The following PLEKHA6 variants were observed in gnomAD, a reference collection of about 807,000 sequenced individuals.
PLEKHA6 encodes pleckstrin homology domain-containing family A member 6.
PLEKHA6 carries 60 observed loss-of-function variants against 116.7 expected under a neutral mutation model. The observed-to-expected ratio is 0.51, with a 90% CI of 0.42 to 0.64. The LOEUF is 0.64. Among genes scored for constraint, PLEKHA6 ranks in the 30% least tolerant of loss-of-function variants. PLEKHA6 has a pLI of 0.00. For synonymous variants in PLEKHA6, 489 were observed against 556.1 expected (o/e 0.88, Z 1.70); for missense variants, 1,338 against 1,422.7 (o/e 0.94, Z 0.96).
chr1:204,358,092 C>A (rs1430249672), intron 1 of PLEKHA6, among the ~76,000 whole-genome samples: 1 of 152,196 alleles, frequency 6.6e-6, no homozygotes, highest in African/African-American at 2.4e-5. Context: ...TTGTCTGCAG[C>A]CTGTGTGCAG....
chr1:204,313,242 C>T (rs977943836), intron 1 of PLEKHA6, among the ~76,000 whole-genome samples: 4 of 152,110 alleles, frequency 2.6e-5, no homozygotes, highest in Admixed American at 2.6e-4. Context: ...CAAAGCTCAG[C>T]TCCAAATCCC....
chr1:204,252,919 G>T (rs1389039045), intron 9 of PLEKHA6, among the ~76,000 whole-genome samples: 1 of 152,222 alleles, frequency 6.6e-6, no homozygotes, highest in Admixed American at 6.5e-5. Context: ...CAGATCCAGA[G>T]CAGTAGAGGA....
chr1:204,225,638 A>G (rs1407810965), intron 21 of PLEKHA6, among the ~76,000 whole-genome samples: 1 of 152,190 alleles, frequency 6.6e-6, no homozygotes, highest in Non-Finnish European at 1.5e-5. Context: ...ATTCATAAAC[A>G]CCACCTCCAC....
At chr1:204,327,498 GGC>G (rs2103253748) in intron 1 of PLEKHA6, among the ~76,000 whole-genome samples, 1 of 152,362 alleles carries the variant, frequency 6.6e-6, no homozygotes, top group African/African-American at 2.4e-5. Flanking sequence ...TGCAGTCTCT[GGC>G]CCGCTGAGGC....
intron 6 of PLEKHA6, among the ~76,000 whole-genome samples, chr1:204,264,625 A>G (rs1156433257): frequency 6.6e-6 from 1 of 152,184 alleles, no homozygotes; most frequent in African/African-American, 2.4e-5. Context: ...AGGACTAAGA[A>G]CATAACTATT....
rs939548472 is a variant in PLEKHA6 at position 204,241,604 on chromosome 1, G to A, written c.2302+81C>T. On this transcript the variant is annotated intron_variant, in intron 16 of 22. Coordinates refer to ENST00000272203, the MANE Select transcript of PLEKHA6 (RefSeq NM_014935.5). ...TAAAAAGCCCAGGGTGTGGCACCAG[G>A]TTTTGGGTGTGAATGAGCACCCAGG... The A allele has an allele frequency of 2.4e-5, 36 of 1,475,730 alleles. No homozygotes were observed. In the African/African-American group the frequency reaches 4.1e-4, roughly 17 times the overall value. 91.4% of individuals were successfully genotyped at this position (1,475,730 alleles called of 1,614,324 possible). A position where few individuals can be genotyped will look rare whatever the true frequency, so the allele number is the denominator to read the frequency against.
At chr1:204,326,309 C>T (rs1349099377) in intron 1 of PLEKHA6, among the ~76,000 whole-genome samples, 3 of 152,230 alleles carry the variant, frequency 2.0e-5, no homozygotes, top group Non-Finnish European at 2.9e-5. Flanking sequence ...TCCCTCCTGC[C>T]TGTGCCAACA....
At chr1:204,235,945 A>AC (rs1661982708) in intron 17 of PLEKHA6, among the ~76,000 whole-genome samples, 1 of 152,046 alleles carries the variant, frequency 6.6e-6, no homozygotes, top group Non-Finnish European at 1.5e-5. Context: ...TTTGAGAGGC[A>AC]CCCCCAACAC....
In PLEKHA6 at chr1:204,257,798, T is replaced by A. The variant is rs1665557612; in HGVS notation, c.1079A>T (p.Asp360Val). Residue 360 changes from aspartate (D) to valine (V), a missense_variant, in exon 9 of 23, where the codon GAT (aspartate) becomes GTT (valine). This residue lies in a region of PLEKHA6 where 1,136 missense variants were observed against 1,163.6 expected (regional missense o/e 0.98). Transcript: ENST00000272203. The surrounding 1 kb of genome is among the most constrained non-coding windows in gnomAD (Gnocchi z 6.5). ...YYGPYSSQYP[D>V]DYQYYPPGVR... ...TCCTGGCGGGTAGTACTGATAATCA[T>A]CGGGGTACTGGGAGGAGTAGGGGCC... 6.2e-7 allele frequency: 1 copy of A among 1,613,804 alleles called. No homozygotes were observed. Among genetic ancestry groups the A allele is most frequent in the African/African-American group, 1.3e-5 (1 of 74,856 alleles).
chr1:204,359,669 ATG>A, intron 1 of PLEKHA6, 23 bp downstream of exon 1: 1 of 982,560 alleles, frequency 1.0e-6, no homozygotes, highest in Non-Finnish European at 1.2e-6. Context: ...CACCTCATCT[ATG>A]TGATGCATGA....
chr1:204,278,132 G>A (rs1031955296), intron 1 of PLEKHA6, among the ~76,000 whole-genome samples: 4 of 152,190 alleles, frequency 2.6e-5, no homozygotes, highest in Non-Finnish European at 5.9e-5. Flanking sequence ...GATGGTCAGC[G>A]CTCCCCCCTT....
chr1:204,351,023 C>T (rs1024971997), intron 1 of PLEKHA6, among the ~76,000 whole-genome samples: 2 of 152,232 alleles, frequency 1.3e-5, no homozygotes, highest in African/African-American at 4.8e-5. Flanking sequence ...CACCACCCTC[C>T]TCTCCGAACG....
intron 5 of PLEKHA6, 106 bp downstream of exon 5, chr1:204,267,369 C>T (rs1486903564): frequency 1.1e-6 from 1 of 893,032 alleles, no homozygotes; most frequent in South Asian, 1.4e-5. Context: ...AGGAGATCTG[C>T]CCTGCTGGTG....
chr1:204,254,065 G>A (rs1161611387), intron 9 of PLEKHA6, among the ~76,000 whole-genome samples: 1 of 152,230 alleles, frequency 6.6e-6, no homozygotes, highest in Non-Finnish European at 1.5e-5. Context: ...GTGACAGGGA[G>A]GATAGCTTGC....
chr1:204,273,484 T>C lies in PLEKHA6; in HGVS notation c.102+142A>G, dbSNP rs146841589. On this transcript the variant is annotated intron_variant, in intron 3 of 22. Transcript: ENST00000272203. ...CCTCTTCCCTTCCTACTCTCCACTC[T>C]CTTCCTGGGTCACCTTGCCTACTCT... 637 of 646,456 alleles carry C rather than the reference T, an allele frequency of 9.9e-4. 2 individuals are homozygous for C. Among genetic ancestry groups the C allele is most frequent in the Middle Eastern group, 1.7e-3 (4 of 2,372 alleles). 40.0% of individuals were successfully genotyped at this position (646,456 alleles called of 1,614,324 possible).
intron 15 of PLEKHA6, among the ~76,000 whole-genome samples, chr1:204,242,194 A>T (rs1341507371): frequency 6.6e-6 from 1 of 152,234 alleles, no homozygotes; most frequent in African/African-American, 2.4e-5. Flanking sequence ...AAACAGAACC[A>T]GGCGGGCCTT....
At chr1:204,372,632 T>C (rs561686724) in intron 1 of PLEKHA6, among the ~76,000 whole-genome samples, 160 of 152,268 alleles carry the variant, frequency 1.1e-3, no homozygotes, top group African/African-American at 3.7e-3. Context: ...ATAAACGCCC[T>C]AAAAAATTTA....
intron 9 of PLEKHA6, among the ~76,000 whole-genome samples, chr1:204,251,194 C>T (rs191000786): frequency 2.8e-4 from 43 of 152,334 alleles, no homozygotes; most frequent in African/African-American, 1.0e-3. Flanking sequence ...GGTTCCATTA[C>T]ACCCCTCATG....
chr1:204,317,384 G>A (rs1486082556), intron 1 of PLEKHA6: 1 of 162,866 alleles, frequency 6.1e-6, no homozygotes, highest in East Asian at 1.9e-4. Context: ...TTTATCAGCA[G>A]AATCTGCCCA....
Sources: allele counts gnomAD v4.1 joint callset (sites outside exome capture counted in the v4.1 genomes callset), GRCh38; gene constraint gnomAD v4.1.1; regional missense constraint gnomAD v4.1.1; non-coding constraint Gnocchi (gnomAD v3.1); transcripts MANE v1.5; gene names NCBI Gene and HGNC (gene_info 2026-07-23, HGNC 2026-07-21).